Variants in SEZ6L observed in about 807,000 individuals in gnomAD.
SEZ6L encodes the protein seizure related 6 homolog like.
A neutral mutation model predicts 106.2 loss-of-function variants in SEZ6L; 37 were observed. That is an observed-to-expected ratio of 0.35 (90% CI 0.27 to 0.46). SEZ6L has a LOEUF of 0.46. SEZ6L is among the 20% of genes least tolerant of loss of function. The pLI is 1.00. For missense variants in SEZ6L, 1,172 were observed against 1,332.8 expected, an observed-to-expected ratio of 0.88 and a Z score of 1.88; for synonymous variants, 541 against 570.4, an observed-to-expected ratio of 0.95 and a Z score of 0.73.
At chr22:26,204,126 A>G (rs923563655) in intron 1 of SEZ6L, among the ~76,000 whole-genome samples, 2 of 152,160 alleles carry the variant, frequency 1.3e-5, no homozygotes, top group Non-Finnish European at 2.9e-5. Context: ...TTGCTTTCTC[A>G]TGTGTACTAT....
At chr22:26,302,623 A>G (rs2081490806) in intron 5 of SEZ6L, among the ~76,000 whole-genome samples, 1 of 152,236 alleles carries the variant, frequency 6.6e-6, no homozygotes, top group South Asian at 2.1e-4. Context: ...TTGTTCCCCC[A>G]AGGCCCTTCA....
chr22:26,198,371 C>A (rs6004955), intron 1 of SEZ6L, among the ~76,000 whole-genome samples: 2,227 of 152,254 alleles, frequency 0.015, 54 homozygotes, highest in African/African-American at 0.051. Context: ...TGAGATTATC[C>A]AAAGACTGTA....
At chr22:26,342,027 G>C (rs1030634384) in intron 10 of SEZ6L, among the ~76,000 whole-genome samples, 1 of 152,136 alleles carries the variant, frequency 6.6e-6, no homozygotes, top group Non-Finnish European at 1.5e-5. Context: ...GTTGCTCATC[G>C]GGGCAGAGCC....
At chr22:26,346,850 C>T (rs2083023725) in intron 10 of SEZ6L, among the ~76,000 whole-genome samples, 1 of 152,058 alleles carries the variant, frequency 6.6e-6, no homozygotes, top group African/African-American at 2.4e-5. Context: ...CGGAAGCCAC[C>T]CAGGGCCACT....
chr22:26,306,337 T>C (rs1383798435), intron 6 of SEZ6L, among the ~76,000 whole-genome samples, 193 bp downstream of exon 6: 1 of 152,114 alleles, frequency 6.6e-6, no homozygotes, highest in Non-Finnish European at 1.5e-5. Context: ...GAAACCAGGG[T>C]ATGCAGAAGG....
intron 1 of SEZ6L, among the ~76,000 whole-genome samples, chr22:26,242,009 G>C (rs1448292793): frequency 1.3e-5 from 2 of 152,214 alleles, no homozygotes; most frequent in Non-Finnish European, 2.9e-5. Flanking sequence ...TTCAGTGGGT[G>C]GGCAGGTGTT....
chr22:26,259,098 G>A (rs977798572), intron 1 of SEZ6L, among the ~76,000 whole-genome samples: 1 of 152,186 alleles, frequency 6.6e-6, no homozygotes, highest in Non-Finnish European at 1.5e-5. Flanking sequence ...GGATACAGAG[G>A]GAACAGAAAT....
intron 12 of SEZ6L, chr22:26,351,514 T>TTTG (rs1368554958): frequency 2.3e-5 from 7 of 298,930 alleles, no homozygotes; most frequent in Non-Finnish European, 1.8e-5. Context: ...ACTTTGTTTT[T>TTTG]TTGTTTGTTT....
chr22:26,367,405 G>A (rs1022398671), intron 13 of SEZ6L, among the ~76,000 whole-genome samples: 8 of 152,048 alleles, frequency 5.3e-5, no homozygotes, highest in Admixed American at 4.6e-4. Flanking sequence ...ATGCAGTGGC[G>A]TGATCATTAC....
At chr22:26,289,730 G>A (rs1242320353) in intron 1 of SEZ6L, among the ~76,000 whole-genome samples, 6 of 152,268 alleles carry the variant, frequency 3.9e-5, no homozygotes, top group East Asian at 1.9e-4. Context: ...TTAAGCCACC[G>A]CCGCCAACTC....
chr22:26,380,141 T>A (rs2084367344), intron 16 of SEZ6L, 125 bp from the exon 17 acceptor site: 6 of 784,024 alleles, frequency 7.7e-6, no homozygotes, highest in Non-Finnish European at 1.3e-5. Flanking sequence ...AGGGTCAGAG[T>A]GGGAGGGCAC....
chr22:26,263,906 A>T (rs2080096148), intron 1 of SEZ6L, among the ~76,000 whole-genome samples: 1 of 152,206 alleles, frequency 6.6e-6, no homozygotes, highest in South Asian at 2.1e-4. Context: ...GCCATGCCTC[A>T]TCATCTCTCA....
intron 9 of SEZ6L, among the ~76,000 whole-genome samples, chr22:26,337,597 A>G (rs893843923): frequency 4.6e-5 from 7 of 152,092 alleles, no homozygotes; most frequent in Non-Finnish European, 7.4e-5. Flanking sequence ...GCTCTTTCAT[A>G]CCTTAGCATT....
chr22:26,246,459 T>C (rs1418024720), intron 1 of SEZ6L, among the ~76,000 whole-genome samples: 5 of 151,914 alleles, frequency 3.3e-5, no homozygotes, highest in Non-Finnish European at 7.4e-5. Context: ...TAGTTATTAA[T>C]CTAGAGAGGA....
intron 1 of SEZ6L, among the ~76,000 whole-genome samples, chr22:26,246,680 C>T (rs79518473): frequency 0.013 from 1,999 of 152,286 alleles, 17 homozygotes; most frequent in Non-Finnish European, 0.019. Flanking sequence ...TGGGTGGTTG[C>T]CGTTAATTGA....
chr22:26,178,349 G>C (rs747964020), intron 1 of SEZ6L, among the ~76,000 whole-genome samples: 1 of 152,186 alleles, frequency 6.6e-6, no homozygotes, highest in Non-Finnish European at 1.5e-5. Context: ...CAAGGCCCAG[G>C]CTAGGTATCC....
chr22:26,288,747 T>G (rs2081013948), intron 1 of SEZ6L, among the ~76,000 whole-genome samples: 1 of 152,260 alleles, frequency 6.6e-6, no homozygotes, highest in Non-Finnish European at 1.5e-5. Flanking sequence ...TAAAACATTA[T>G]AAATATCACT....
At chr22:26,198,040 A>G (rs1940692308) in intron 1 of SEZ6L, among the ~76,000 whole-genome samples, 1 of 152,214 alleles carries the variant, frequency 6.6e-6, no homozygotes, top group Non-Finnish European at 1.5e-5. Context: ...GGACTGGGGC[A>G]AAAGGAGAAG....
At chr22:26,360,159 C>T (rs2083565127) in intron 12 of SEZ6L, among the ~76,000 whole-genome samples, 1 of 152,192 alleles carries the variant, frequency 6.6e-6, no homozygotes, top group South Asian at 2.1e-4. Context: ...AAAAAGAATA[C>T]TCTGGGTGAC....
Sources: gnomAD v4.1 joint callset for allele counts (sites outside exome capture counted in the v4.1 genomes callset) on GRCh38, gnomAD v4.1.1 for gene constraint, MANE v1.5 for transcripts, NCBI Gene and HGNC (gene_info 2026-07-23, HGNC 2026-07-21) for gene names.